Variants in ROBO2 observed in about 807,000 individuals in gnomAD.
The protein encoded by ROBO2 is roundabout homolog 2.
In ROBO2, 53 loss-of-function variants were observed where a neutral mutation model predicts 160.8. The observed-to-expected ratio is 0.33, with a 90% CI of 0.26 to 0.41. The LOEUF (loss-of-function observed/expected upper bound fraction) is 0.41. Ranked by LOEUF, ROBO2 falls within the 10% of genes least tolerant of loss-of-function variation. ROBO2 has a pLI of 1.00. For missense variants in ROBO2, 1,577 were observed against 1,722.4 expected, an observed-to-expected ratio of 0.92 and a Z score of 1.49; for synonymous variants, 664 against 611.7, an observed-to-expected ratio of 1.09 and a Z score of -1.26.
intron 2 of ROBO2, among the ~76,000 whole-genome samples, chr3:75,964,318 G>T (rs1482442404): frequency 1.3e-5 from 2 of 151,712 alleles, no homozygotes; most frequent in Non-Finnish European, 2.9e-5. Context: ...GCAGGAACAA[G>T]AAATATGGTT....
At chr3:76,540,657 C>T (rs2082764916) in intron 2 of ROBO2, among the ~76,000 whole-genome samples, 1 of 152,122 alleles carries the variant, frequency 6.6e-6, no homozygotes, top group Non-Finnish European at 1.5e-5. Context: ...ATGCAGTGAA[C>T]ACTATTCTTC....
chr3:77,103,122 T>A (rs186991374), intron 2 of ROBO2, among the ~76,000 whole-genome samples: 4 of 152,102 alleles, frequency 2.6e-5, no homozygotes, highest in Non-Finnish European at 4.4e-5. Flanking sequence ...CTCACAGAGA[T>A]TGTAGCTGCC....
At chr3:76,192,524 CCACACACACACACACACACA>C (rs3039244) in intron 2 of ROBO2, among the ~76,000 whole-genome samples, 33 of 130,154 alleles carry the variant, frequency 2.5e-4, no homozygotes, top group East Asian at 2.3e-3. Context: ...CAACACTCCA[CCACACACACACACACACACA>C]CACACACACA....
At chr3:76,399,109 A>C (rs567262990) in intron 2 of ROBO2, among the ~76,000 whole-genome samples, 1 of 151,980 alleles carries the variant, frequency 6.6e-6, no homozygotes, top group South Asian at 2.1e-4. Flanking sequence ...TAATTTTATA[A>C]CATTGAAATC....
chr3:77,199,730 C>A (rs2082649447), intron 2 of ROBO2, among the ~76,000 whole-genome samples: 1 of 150,856 alleles, frequency 6.6e-6, no homozygotes, highest in African/African-American at 2.4e-5. Context: ...TCAAGCAATC[C>A]TCCCACCTCA....
intron 2 of ROBO2, among the ~76,000 whole-genome samples, chr3:76,539,327 G>A (rs986400320): frequency 2.0e-5 from 3 of 150,186 alleles, no homozygotes; most frequent in African/African-American, 4.9e-5. Flanking sequence ...ACACCTGCCC[G>A]TTCAGCACAT....
rs900326063 is a variant in ROBO2 at position 77,644,746 on chromosome 3, C to G, written c.3977C>G (p.Pro1326Arg). 8.7e-6 allele frequency: 14 copies of G among 1,613,988 alleles called. No individual in the cohort carries two copies. The highest frequency in any genetic ancestry group is 1.2e-5 in the Non-Finnish European group (14 of 1,179,998). ...TATAGCAAGCCCAGTTTCCCATCTCCAGGTGGCCACAGCTCATCAGGAACA... is the reference window on the plus strand; with the variant it reads ...TATAGCAAGCCCAGTTTCCCATCTCGAGGTGGCCACAGCTCATCAGGAACA... Residue 1326 changes from proline to arginine, a missense_variant, in exon 25 of 26, where the codon CCA (proline) becomes CGA (arginine). Physicochemically the swap from Pro to Arg is moderately radical, Grantham distance 103. This residue lies in a region of ROBO2 where 637 missense variants were observed against 586.9 expected (regional missense o/e 1.09). Coordinates refer to ENST00000461745, the Ensembl canonical transcript of ROBO2.
intron 2 of ROBO2, among the ~76,000 whole-genome samples, chr3:76,196,483 T>C (rs1702266950): frequency 6.6e-6 from 1 of 152,144 alleles, no homozygotes; most frequent in Non-Finnish European, 1.5e-5. Flanking sequence ...TTATTGATCC[T>C]AAGTGACTGA....
intron 2 of ROBO2, among the ~76,000 whole-genome samples, chr3:76,850,671 GAC>G (rs2069252997): frequency 6.6e-6 from 1 of 152,012 alleles, no homozygotes; most frequent in Non-Finnish European, 1.5e-5. Context: ...ACTTCCCAAA[GAC>G]ACCAGCTGTA....
chr3:77,423,094 T>A (rs2077858832), intron 2 of ROBO2, among the ~76,000 whole-genome samples: 1 of 152,162 alleles, frequency 6.6e-6, no homozygotes, highest in Admixed American at 6.6e-5. Context: ...TAAATAACTA[T>A]TTTTTCCCCA....
At chr3:77,557,920 C>A in intron 8 of ROBO2, 24 bp from the exon 10 acceptor site, 1 of 1,460,470 alleles carries the variant, frequency 6.8e-7, no homozygotes, top group Non-Finnish European at 9.0e-7. Context: ...TGTTAAAATA[C>A]CTGAAAAGAG....
intron 2 of ROBO2, among the ~76,000 whole-genome samples, chr3:76,255,320 T>C (rs1290854277): frequency 6.6e-6 from 1 of 152,094 alleles, no homozygotes; most frequent in African/African-American, 2.4e-5. Flanking sequence ...ATAATGAAAA[T>C]ACAAACTATG....
intron 2 of ROBO2, among the ~76,000 whole-genome samples, chr3:76,782,297 C>A (rs1424365552): frequency 6.6e-6 from 1 of 150,664 alleles, no homozygotes; most frequent in Non-Finnish European, 1.5e-5. Flanking sequence ...TCTTTTGTGA[C>A]CTATCATCTG....
At chr3:76,544,511 T>G (rs1274931246) in intron 2 of ROBO2, among the ~76,000 whole-genome samples, 7 of 152,072 alleles carry the variant, frequency 4.6e-5, no homozygotes, top group Non-Finnish European at 1.0e-4. Flanking sequence ...CTTTTTAAAT[T>G]CAAGTGTATT....
chr3:76,329,487 G>C (rs2073315725), intron 2 of ROBO2, among the ~76,000 whole-genome samples: 1 of 152,142 alleles, frequency 6.6e-6, no homozygotes, highest in Admixed American at 6.5e-5. Context: ...CAAAGTGCTG[G>C]GATAACAGGC....
chr3:77,128,561 TA>T (rs2075562729), intron 2 of ROBO2, among the ~76,000 whole-genome samples: 1 of 152,232 alleles, frequency 6.6e-6, no homozygotes, highest in Admixed American at 6.5e-5. Context: ...TGTTTTGCAA[TA>T]TTTTTTTCAG....
intron 2 of ROBO2, among the ~76,000 whole-genome samples, chr3:76,132,081 T>G (rs2071243711): frequency 6.6e-6 from 1 of 152,106 alleles, no homozygotes; most frequent in Non-Finnish European, 1.5e-5. Flanking sequence ...CAGGAAGGAT[T>G]GCAGGAGTCA....
At chr3:76,047,738 C>T (rs2067499183) in intron 2 of ROBO2, among the ~76,000 whole-genome samples, 1 of 152,178 alleles carries the variant, frequency 6.6e-6, no homozygotes, top group Non-Finnish European at 1.5e-5. Context: ...TGATGTATGT[C>T]TGGAAAGCAT....
chr3:77,328,659 T>C (rs2065681084), intron 2 of ROBO2, among the ~76,000 whole-genome samples: 1 of 152,176 alleles, frequency 6.6e-6, no homozygotes, highest in Admixed American at 6.5e-5. Context: ...ATAAAAGAGA[T>C]AGATATAGTT....
Sources: gnomAD v4.1 joint callset for allele counts (sites outside exome capture counted in the v4.1 genomes callset) on GRCh38, gnomAD v4.1.1 for gene constraint, gnomAD v4.1.1 regional missense constraint, MANE v1.5 for transcripts, NCBI Gene and HGNC (gene_info 2026-07-23, HGNC 2026-07-21) for gene names.